The following FHIP2A variants were observed in gnomAD, a reference collection of about 807,000 sequenced individuals.
FHIP2A encodes the protein FHF complex subunit HOOK interacting protein 2A, also known as family with sequence similarity 160 member B1.
In FHIP2A, 46 loss-of-function variants were observed where a neutral mutation model predicts 93.5. That is an observed-to-expected ratio of 0.49 (90% CI 0.39 to 0.63). The LOEUF is 0.63. Among genes scored for constraint, FHIP2A ranks in the 20% least tolerant of loss-of-function variants. FHIP2A has a pLI of 0.00. For synonymous variants in FHIP2A, 332 were observed against 326.5 expected (o/e 1.02, Z -0.18); for missense variants, 769 against 909.7 (o/e 0.85, Z 1.99).
rs954846936 is a variant in FHIP2A at position 114,863,122 on chromosome 10, A to G, written c.*1582A>G. 5 of 981,076 alleles carry G rather than the reference A, an allele frequency of 5.1e-6. No homozygotes were observed. The highest frequency in any genetic ancestry group is 6.1e-6 in the Non-Finnish European group (5 of 826,032). 60.8% of individuals were successfully genotyped at this position (981,076 alleles called of 1,614,324 possible). On this transcript the variant is annotated 3_prime_UTR_variant, in exon 17 of 17. Transcript: ENST00000369248. ...AAGACTAAACCTCTAATTTCATGCA[A>G]ATCTTTGTTAGCTTATTCTAAGAAA...
chr10:114,881,492 GCCCAGGATTC>G (rs1296082376), intron 16 of FHIP2A, among the ~76,000 whole-genome samples: 1 of 152,086 alleles, frequency 6.6e-6, no homozygotes, highest in African/African-American at 2.4e-5. Flanking sequence ...TAAGAGGGTT[GCCCAGGATTC>G]CCCAGCTGGC....
intron 14 of FHIP2A, among the ~76,000 whole-genome samples, chr10:114,860,327 G>A (rs1206638149): frequency 1.3e-5 from 2 of 152,144 alleles, no homozygotes; most frequent in African/African-American, 4.8e-5. Flanking sequence ...AGCATGCGCA[G>A]CAGGGAGGAA....
chr10:114,867,082 G>T (rs959856266), downstream of FHIP2A, among the ~76,000 whole-genome samples: 1 of 151,984 alleles, frequency 6.6e-6, no homozygotes, highest in African/African-American at 2.4e-5. Context: ...GGTGGCACGT[G>T]CCTGTAATCC....
chr10:114,891,216 AC>A (rs1432543284), intron 16 of FHIP2A, among the ~76,000 whole-genome samples: 1 of 111,768 alleles, frequency 8.9e-6, no homozygotes, highest in Non-Finnish European at 1.8e-5. Context: ...AACAACAACA[AC>A]AAATATATAT....
In FHIP2A at chr10:114,844,627, C is replaced by G. The variant is rs529934708; in HGVS notation, c.1013+690C>G. Among the ~76,000 whole-genome samples, 34 of 152,260 alleles carry G rather than the reference C, an allele frequency of 2.2e-4. 1 individual carries two copies. The South Asian group carries it at 4.6e-3, about 20-fold the overall frequency. On this transcript the variant is annotated intron_variant, in intron 7 of 16. Transcript: ENST00000369248. ...AGGGCAGGAAGAGAAGTAGTCCACTCGCTATTTCTGTTTGTAGATCCCCAT... is the reference window on the plus strand; with the variant it reads ...AGGGCAGGAAGAGAAGTAGTCCACTGGCTATTTCTGTTTGTAGATCCCCAT...
At chr10:114,835,089 G>A (rs764728150) in intron 3 of FHIP2A, among the ~76,000 whole-genome samples, 2 of 150,908 alleles carry the variant, frequency 1.3e-5, no homozygotes, top group Non-Finnish European at 3.0e-5. Context: ...TGTGTTAGGA[G>A]GCTTTATTTA....
chr10:114,895,660 C>T (rs952731564), intron 16 of FHIP2A, among the ~76,000 whole-genome samples: 2 of 152,104 alleles, frequency 1.3e-5, no homozygotes, highest in African/African-American at 2.4e-5. Context: ...ATTGAGGCTC[C>T]GGAATCCTTA....
At chr10:114,832,736 G>A (rs1359651650) in intron 2 of FHIP2A, among the ~76,000 whole-genome samples, 2 of 141,930 alleles carry the variant, frequency 1.4e-5, no homozygotes, top group African/African-American at 2.7e-5. Flanking sequence ...TTTTGAGATG[G>A]TGTCCCTCTC....
intron 16 of FHIP2A, among the ~76,000 whole-genome samples, chr10:114,874,531 T>C (rs557514264): frequency 6.6e-6 from 1 of 152,188 alleles, no homozygotes; most frequent in African/African-American, 2.4e-5. Flanking sequence ...AGATGGAGTT[T>C]CGCTGTTGTT....
downstream of FHIP2A, among the ~76,000 whole-genome samples, chr10:114,866,824 T>G (rs1272971800): frequency 6.6e-6 from 1 of 152,246 alleles, no homozygotes; most frequent in South Asian, 2.1e-4. Flanking sequence ...TGCCTGAATA[T>G]TCTTACTTTT....
Position 114,864,570 on chromosome 10 carries a change from T to A in FHIP2A, c.*3030T>A, listed in dbSNP as rs1027745329. 7 of 985,712 alleles carry A rather than the reference T, an allele frequency of 7.1e-6. No individual in the cohort carries two copies. The African/African-American group carries it at 1.2e-4, about 17-fold the overall frequency. The allele number at this position is 985,712 out of a possible 1,614,324, so 61.1% of individuals were successfully genotyped here. A position where few individuals can be genotyped will look rare whatever the true frequency, so the allele number is the denominator to read the frequency against. ...TGTTACCAGCGTCTGGAATTCTTGG[T>A]CCCTCCGTGGAGAAACTCTTCAGAT... On this transcript the variant is annotated 3_prime_UTR_variant, in exon 17 of 17. Transcript: ENST00000369248.
intron 16 of FHIP2A, among the ~76,000 whole-genome samples, chr10:114,894,395 C>CAAA (rs3086069): frequency 5.3e-4 from 58 of 109,236 alleles, no homozygotes; most frequent in African/African-American, 1.6e-3. Context: ...CCCATCTCTA[C>CAAA]AAAAAAAAAA....
intron 16 of FHIP2A, chr10:114,899,405 A>C: frequency 1.4e-6 from 1 of 708,706 alleles, no homozygotes; most frequent in Non-Finnish European, 2.6e-6. Context: ...GGTTAAGCAC[A>C]TAGTTAGATC....
At chr10:114,866,387 T>A (rs1035848065), downstream of FHIP2A, among the ~76,000 whole-genome samples, 2 of 152,196 alleles carry the variant, frequency 1.3e-5, no homozygotes, top group Non-Finnish European at 2.9e-5. Flanking sequence ...TTGGGTTGAT[T>A]ACAGAAAATC....
intron 16 of FHIP2A, among the ~76,000 whole-genome samples, chr10:114,898,944 C>T (rs901168713): frequency 6.6e-6 from 1 of 152,202 alleles, no homozygotes; most frequent in African/African-American, 2.4e-5. Flanking sequence ...CAATGGACAT[C>T]TACACACATG....
exon 17 of FHIP2A, chr10:114,899,785 A>C: frequency 2.3e-6 from 1 of 433,676 alleles, no homozygotes; most frequent in East Asian, 3.5e-5. Flanking sequence ...ACAAGTATAA[A>C]AAATACTGTT....
In FHIP2A at chr10:114,847,168, ACCT is replaced by A; in HGVS notation, c.1651_1653del (p.Pro551del). On this transcript the variant is annotated inframe_deletion, in exon 12 of 17. Transcript: ENST00000369248. ...CAAACCAAGAGTGGCTTAGTTCTTC[ACCT>A]CCTGCTACTCCAGACCACCCCAAAA... 6.2e-7 allele frequency: 1 copy of A among 1,613,634 alleles called. No homozygotes were observed. The highest frequency in any genetic ancestry group is 8.5e-7 in the Non-Finnish European group (1 of 1,179,648).
chr10:114,827,884 C>T (rs988803897), intron 1 of FHIP2A, among the ~76,000 whole-genome samples: 2 of 151,306 alleles, frequency 1.3e-5, no homozygotes, highest in East Asian at 1.9e-4. Context: ...GCAGAGAAAG[C>T]GAAGTCTAGT....
At chr10:114,872,969 T>C (rs1224326481) in intron 16 of FHIP2A, among the ~76,000 whole-genome samples, 2 of 152,094 alleles carry the variant, frequency 1.3e-5, no homozygotes, top group Non-Finnish European at 2.9e-5. Context: ...TACAGGGAAT[T>C]GGGTGTTGGG....
Sources: allele counts gnomAD v4.1 joint callset (sites outside exome capture counted in the v4.1 genomes callset), GRCh38; gene constraint gnomAD v4.1.1; transcripts MANE v1.5; gene names NCBI Gene and HGNC (gene_info 2026-07-23, HGNC 2026-07-21).